The following CHN2 variants were observed in gnomAD, a reference collection of about 807,000 sequenced individuals.
The protein encoded by CHN2 is chimerin 2.
A neutral mutation model predicts 56.3 loss-of-function variants in CHN2; 35 were observed. That is an observed-to-expected ratio of 0.62 (90% CI 0.47 to 0.82). CHN2 has a LOEUF of 0.82. Ranked by LOEUF, CHN2 falls within the 40% of genes least tolerant of loss-of-function variation. The probability of loss-of-function intolerance (pLI) is 0.00; values close to 1 mark genes in which losing one functional copy is unlikely to be tolerated. For missense variants in CHN2, 491 were observed against 580.5 expected, an observed-to-expected ratio of 0.85 and a Z score of 1.58; for synonymous variants, 210 against 212.8, an observed-to-expected ratio of 0.99 and a Z score of 0.12.
intron 3 of CHN2, among the ~76,000 whole-genome samples, chr7:29,392,601 G>T (rs1473684128): frequency 6.6e-6 from 1 of 152,116 alleles, no homozygotes; most frequent in Non-Finnish European, 1.5e-5. Context: ...TGTGAGTGTG[G>T]TCCCCAAAGC....
chr7:29,198,375 A>T (rs1230621642), intron 1 of CHN2, among the ~76,000 whole-genome samples: 1 of 152,248 alleles, frequency 6.6e-6, no homozygotes, highest in Non-Finnish European at 1.5e-5. Flanking sequence ...CTGCTGTTAA[A>T]CTACATCGCC....
intron 1 of CHN2, among the ~76,000 whole-genome samples, chr7:29,301,567 G>A (rs893938661): frequency 1.3e-5 from 2 of 152,240 alleles, no homozygotes; most frequent in Admixed American, 6.5e-5. Context: ...TAGAGAGTTG[G>A]AGATCTGGAC....
chr7:29,374,872 C>T (rs1448466573), intron 3 of CHN2, among the ~76,000 whole-genome samples: 1 of 149,702 alleles, frequency 6.7e-6, no homozygotes, highest in Non-Finnish European at 1.5e-5. Context: ...TCCCTTTCTC[C>T]CTTTCTCCCT....
At chr7:29,157,570 A>C (rs1004778382) in intron 2 of CHN2, among the ~76,000 whole-genome samples, 1 of 152,212 alleles carries the variant, frequency 6.6e-6, no homozygotes, top group Non-Finnish European at 1.5e-5. Flanking sequence ...AAAGTATGAA[A>C]ATATCACCCT....
chr7:29,377,683 A>G (rs943934839), intron 3 of CHN2, among the ~76,000 whole-genome samples: 3 of 152,146 alleles, frequency 2.0e-5, no homozygotes, highest in Admixed American at 6.5e-5. Flanking sequence ...GCCTCAGTCT[A>G]CCACTCGCCT....
chr7:29,324,881 T>G (rs1269713643), intron 1 of CHN2, among the ~76,000 whole-genome samples: 1 of 152,192 alleles, frequency 6.6e-6, no homozygotes, highest in Non-Finnish European at 1.5e-5. Context: ...AAATATTCCC[T>G]GGGATAAGAA....
At chr7:29,363,617 AAAAT>A (rs1240659454) in intron 2 of CHN2, among the ~76,000 whole-genome samples, 5 of 152,220 alleles carry the variant, frequency 3.3e-5, no homozygotes, top group African/African-American at 1.2e-4. Flanking sequence ...GATGGTACAC[AAAAT>A]AAATAAACAT....
At chr7:29,197,023 C>T (rs1161628094) in intron 1 of CHN2, among the ~76,000 whole-genome samples, 1 of 152,156 alleles carries the variant, frequency 6.6e-6, no homozygotes, top group East Asian at 1.9e-4. Context: ...TTGAAAAATA[C>T]AGCATTGTAG....
At chr7:29,318,353 A>G (rs756563397) in intron 1 of CHN2, among the ~76,000 whole-genome samples, 7 of 152,242 alleles carry the variant, frequency 4.6e-5, no homozygotes, top group Non-Finnish European at 8.8e-5. Context: ...AGAGTTGAAT[A>G]GGTGCGACAG....
intron 1 of CHN2, among the ~76,000 whole-genome samples, chr7:29,336,461 A>T (rs946956830): frequency 6.6e-6 from 1 of 152,012 alleles, no homozygotes; most frequent in Non-Finnish European, 1.5e-5. Context: ...AAATTCAAAA[A>T]TTAGCTGGGT....
rs150422846 is a variant in CHN2, at chr7:29,166,937, T to C, written c.274+19977T>C. ...TCTACTATCTGTGTCATTTTTGTTC[T>C]GTTTCCATTGACTGATTTTTCTCCA... On this transcript the variant is annotated intron_variant, in intron 2 of 6. Coordinates refer to the CHN2 transcript ENST00000439384. Among the ~76,000 whole-genome samples, 548 of 152,284 alleles carry C rather than the reference T, an allele frequency of 3.6e-3. 4 individuals are homozygous for C. Among genetic ancestry groups the C allele is most frequent in the African/African-American group, 0.012 (517 of 41,584 alleles).
At chr7:29,384,530 G>A (rs1327396887) in intron 3 of CHN2, among the ~76,000 whole-genome samples, 1 of 152,170 alleles carries the variant, frequency 6.6e-6, no homozygotes, top group African/African-American at 2.4e-5. Flanking sequence ...CCTCCCCTTA[G>A]TGGAGTTCTG....
At chr7:29,266,344 C>T (rs1463758890) in intron 1 of CHN2, among the ~76,000 whole-genome samples, 1 of 152,150 alleles carries the variant, frequency 6.6e-6, no homozygotes, top group Non-Finnish European at 1.5e-5. Flanking sequence ...TCCAATAAGA[C>T]GTGAAACAGG....
intron 6 of CHN2, among the ~76,000 whole-genome samples, chr7:29,417,472 A>T (rs1012193808): frequency 2.6e-5 from 4 of 151,810 alleles, no homozygotes; most frequent in African/African-American, 9.7e-5. Context: ...AGTAGCTAGG[A>T]CTACAGGCGC....
rs565011413 is a variant in CHN2 at position 29,331,529 on chromosome 7, C to T, written c.50-23096C>T. Among the ~76,000 whole-genome samples, 151 of 152,266 alleles carry T rather than the reference C, an allele frequency of 9.9e-4. 5 individuals carry two copies. In the South Asian group the frequency reaches 0.021, roughly 21 times the overall value. On this transcript the variant is annotated intron_variant, in intron 1 of 12. Transcript: ENST00000222792. ...CGCCACCCCCTCTTTCCTGCCCTGC[C>T]TTCCATTGACTGAACCTGAAGCCAG...
chr7:29,354,907 TCTGA>T (rs1441481450), intron 2 of CHN2, among the ~76,000 whole-genome samples: 3 of 151,966 alleles, frequency 2.0e-5, no homozygotes, highest in Non-Finnish European at 4.4e-5. Flanking sequence ...GGGTGGACTT[TCTGA>T]CTCTCTGCCT....
intron 1 of CHN2, among the ~76,000 whole-genome samples, chr7:29,307,586 A>C (rs1473784624): frequency 3.3e-5 from 5 of 152,228 alleles, no homozygotes; most frequent in Admixed American, 2.0e-4. Context: ...GAGTGGGCCA[A>C]GTGTAATCAC....
intron 7 of CHN2, among the ~76,000 whole-genome samples, chr7:29,486,458 C>G (rs1788008678): frequency 6.6e-6 from 1 of 152,096 alleles, no homozygotes; most frequent in African/African-American, 2.4e-5. Flanking sequence ...CAGGATGTGT[C>G]GGGCCAGCTC....
chr7:29,484,542 T>C (rs1430033843), intron 7 of CHN2, among the ~76,000 whole-genome samples: 1 of 152,234 alleles, frequency 6.6e-6, no homozygotes, highest in Non-Finnish European at 1.5e-5. Flanking sequence ...TCTGCCTCCA[T>C]CTTCATATAG....
Sources: gnomAD v4.1 joint callset for allele counts (sites outside exome capture counted in the v4.1 genomes callset) on GRCh38, gnomAD v4.1.1 for gene constraint, MANE v1.5 for transcripts, NCBI Gene and HGNC (gene_info 2026-07-23, HGNC 2026-07-21) for gene names.